Variants in SCAPER observed in about 807,000 individuals in gnomAD.
The protein encoded by SCAPER is S-phase cyclin A associated protein in the ER, also known as S phase cyclin A-associated protein in the endoplasmic reticulum.
SCAPER carries 98 observed loss-of-function variants against 182.2 expected under a neutral mutation model. That is an observed-to-expected ratio of 0.54 (90% CI 0.46 to 0.64). SCAPER has a LOEUF of 0.64. Among genes scored for constraint, SCAPER ranks in the 30% least tolerant of loss-of-function variants. SCAPER has a pLI of 0.00. For missense variants in SCAPER, 1,432 were observed against 1,690.0 expected (o/e 0.85, Z 2.68); for synonymous variants, 605 against 564.6 (o/e 1.07, Z -1.01).
chr15:76,654,553 A>T (rs993659501), intron 21 of SCAPER, among the ~76,000 whole-genome samples: 1 of 152,240 alleles, frequency 6.6e-6, no homozygotes, highest in Non-Finnish European at 1.5e-5. Flanking sequence ...TGTGGAAAGC[A>T]GTCTGAAGAT....
chr15:76,725,058 G>A (rs564048045), intron 17 of SCAPER, among the ~76,000 whole-genome samples: 12 of 151,872 alleles, frequency 7.9e-5, no homozygotes, highest in East Asian at 1.9e-4. Context: ...GTTCCTATTC[G>A]GTCATCTTCT....
chr15:76,850,667 C>A (rs952108710), intron 4 of SCAPER, among the ~76,000 whole-genome samples: 2 of 151,944 alleles, frequency 1.3e-5, no homozygotes, highest in Admixed American at 6.6e-5. Flanking sequence ...TCAAGACCAG[C>A]CTGGCCAACA....
intron 22 of SCAPER, among the ~76,000 whole-genome samples, chr15:76,584,349 T>C (rs2048475232): frequency 6.6e-6 from 1 of 152,226 alleles, no homozygotes; most frequent in Admixed American, 6.5e-5. Flanking sequence ...TAGCATTTGA[T>C]ACCATAACAG....
At chr15:76,809,488 A>T (rs2066431572) in intron 5 of SCAPER, among the ~76,000 whole-genome samples, 1 of 152,178 alleles carries the variant, frequency 6.6e-6, no homozygotes, top group African/African-American at 2.4e-5. Flanking sequence ...TATAGGGGTT[A>T]AACAGCAGAC....
chr15:76,515,359 G>C (rs2042339291), intron 23 of SCAPER, among the ~76,000 whole-genome samples: 1 of 152,186 alleles, frequency 6.6e-6, no homozygotes, highest in Admixed American at 6.5e-5. Context: ...TTTTTAAGCT[G>C]TTGGGAGATA....
In SCAPER at chr15:76,886,160, A is replaced by G. The variant is rs534721123; in HGVS notation, c.-59-2284T>C. Among the ~76,000 whole-genome samples, 37 of 152,266 alleles carry G rather than the reference A, an allele frequency of 2.4e-4. No homozygotes were observed. The East Asian group carries it at 6.9e-3, about 29-fold the overall frequency. On this transcript the variant is annotated intron_variant, in intron 1 of 31. Coordinates refer to ENST00000563290, the MANE Select transcript of SCAPER (RefSeq NM_020843.4). ...AAATTTATATAAATTTTTTAAAAGG[A>G]TGCTAACAATGTGAAAATGTATAAA...
chr15:76,565,979 A>G (rs2047007364), intron 23 of SCAPER, among the ~76,000 whole-genome samples: 1 of 152,146 alleles, frequency 6.6e-6, no homozygotes. Flanking sequence ...AGAGATTCCT[A>G]GTGTTGAATG....
intron 21 of SCAPER, among the ~76,000 whole-genome samples, chr15:76,648,237 C>T (rs1172010341): frequency 6.8e-6 from 1 of 147,322 alleles, no homozygotes; most frequent in Non-Finnish European, 1.5e-5. Context: ...TAAAATCAAC[C>T]AAATGGAACT....
chr15:76,769,543 G>A (rs1435409837), intron 10 of SCAPER, among the ~76,000 whole-genome samples: 2 of 151,868 alleles, frequency 1.3e-5, no homozygotes, highest in Non-Finnish European at 2.9e-5. Context: ...AGACATTTGT[G>A]CAGCCAACAG....
chr15:76,699,858 C>T (rs781365863), intron 20 of SCAPER, among the ~76,000 whole-genome samples: 2 of 152,178 alleles, frequency 1.3e-5, no homozygotes, highest in Non-Finnish European at 2.9e-5. Flanking sequence ...GAACAGTATT[C>T]GCACACTGGT....
chr15:76,578,142 G>A (rs2047992556), intron 22 of SCAPER, among the ~76,000 whole-genome samples: 1 of 152,042 alleles, frequency 6.6e-6, no homozygotes, highest in Non-Finnish European at 1.5e-5. Flanking sequence ...GGGAAGAGTG[G>A]TAAGGACTTT....
At chr15:76,515,674 T>C (rs1178095822) in intron 23 of SCAPER, among the ~76,000 whole-genome samples, 1 of 152,224 alleles carries the variant, frequency 6.6e-6, no homozygotes, top group Admixed American at 6.5e-5. Context: ...CTGATTTTTC[T>C]ATTTATTTGG....
chr15:76,609,343 G>T (rs189743767), intron 22 of SCAPER, among the ~76,000 whole-genome samples: 74 of 148,392 alleles, frequency 5.0e-4, no homozygotes, highest in Admixed American at 4.8e-3. Flanking sequence ...AAAAAAAAAT[G>T]CTGGGCATGG....
chr15:76,451,296 A>G (rs1427176346), intron 25 of SCAPER, among the ~76,000 whole-genome samples: 1 of 152,186 alleles, frequency 6.6e-6, no homozygotes, highest in African/African-American at 2.4e-5. Flanking sequence ...TAGGGATTTT[A>G]CTTATAAATA....
At chr15:76,681,108 T>C (rs925756429) in intron 20 of SCAPER, among the ~76,000 whole-genome samples, 1 of 152,154 alleles carries the variant, frequency 6.6e-6, no homozygotes, top group Non-Finnish European at 1.5e-5. Flanking sequence ...GTGTTATGTA[T>C]ATGCCAAAAT....
chr15:76,724,324 G>A (rs1326673876), intron 17 of SCAPER, among the ~76,000 whole-genome samples: 2 of 152,254 alleles, frequency 1.3e-5, no homozygotes, highest in Admixed American at 6.5e-5. Context: ...TCCCTTTGTG[G>A]CTAACCCAAC....
In SCAPER at chr15:76,603,016, TTTTA is replaced by T. The variant is rs563245830; in HGVS notation, c.2711+18744_2711+18747del. ...TGGTTTGGATCCTCAATAGTTTTTA[TTTTA>T]TTTATTTATTTACTTAATTTTATTA... On this transcript the variant is annotated intron_variant, in intron 22 of 31. Coordinates refer to ENST00000563290, the MANE Select transcript of SCAPER (RefSeq NM_020843.4). 1.6e-3 allele frequency among the ~76,000 whole-genome samples: 178 copies of T among 114,648 alleles called. 9 individuals are homozygous for T. Among genetic ancestry groups the T allele is most frequent in the African/African-American group, 4.3e-3 (166 of 38,590 alleles). 75.2% of individuals were successfully genotyped at this position (114,648 alleles called of 152,430 possible).
In SCAPER at chr15:76,832,295, C is replaced by T. The variant is rs115947496; in HGVS notation, c.393+9439G>A. ...CATTTTAAGAAAGAACCAAACTGAA[C>T]TTCTGGAAATGAAAAATTCACTACA... On this transcript the variant is annotated intron_variant, in intron 5 of 31. Transcript: ENST00000563290. 8.7e-3 allele frequency among the ~76,000 whole-genome samples: 1,323 copies of T among 152,224 alleles called. 25 individuals carry two copies. The highest frequency in any genetic ancestry group is 0.031 in the African/African-American group (1,276 of 41,528).
At chr15:76,568,216 T>C (rs1597426305) in intron 23 of SCAPER, among the ~76,000 whole-genome samples, 1 of 85,366 alleles carries the variant, frequency 1.2e-5, no homozygotes, top group Non-Finnish European at 3.0e-5. Flanking sequence ...TATATATATA[T>C]ATATATATAC....
Sources: gnomAD v4.1 joint callset for allele counts (sites outside exome capture counted in the v4.1 genomes callset) on GRCh38, gnomAD v4.1.1 for gene constraint, MANE v1.5 for transcripts, NCBI Gene and HGNC (gene_info 2026-07-23, HGNC 2026-07-21) for gene names.